The following ARL6 variants were observed in gnomAD, a reference collection of about 807,000 sequenced individuals.
ARL6 encodes the protein ARF like GTPase 6.
Under a neutral mutation model 27.1 loss-of-function variants are expected in ARL6, and 18 were observed. That is an observed-to-expected ratio of 0.66 (90% CI 0.46 to 0.98). ARL6 has a LOEUF of 0.98. ARL6 is among the 50% of genes least tolerant of loss of function. The probability of loss-of-function intolerance (pLI) is 0.00; values close to 1 mark genes in which losing one functional copy is unlikely to be tolerated. For synonymous variants in ARL6, 65 were observed against 72.3 expected (o/e 0.90, Z 0.51); for missense variants, 187 against 214.9 (o/e 0.87, Z 0.81).
rs973917662 is a variant in ARL6 at position 97,800,966 on chromosome 3, A to G, written c.*2917A>G. ...CCCAAAGACCCCACCTCCTAATATC[A>G]TCACATGTCATCACATAGGGGGTTA... On this transcript the variant is annotated 3_prime_UTR_variant, in exon 8 of 8. Coordinates refer to ENST00000463745, the MANE Select transcript of ARL6 (RefSeq NM_001278293.3). The G allele has an allele frequency of 1.3e-5, 2 of 152,208 alleles. No homozygotes were observed. The highest frequency in any genetic ancestry group is 4.8e-5 in the African/African-American group (2 of 41,450). 9.4% of individuals were successfully genotyped at this position (152,208 alleles called of 1,614,324 possible).
At chr3:97,778,106 A>AT (rs2036998087) in intron 2 of ARL6, among the ~76,000 whole-genome samples, 1 of 152,060 alleles carries the variant, frequency 6.6e-6, no homozygotes, top group South Asian at 2.1e-4. Flanking sequence ...GTAGCTGATG[A>AT]TTTTTTCACA....
chr3:97,774,642 A>G (rs1229268751), intron 2 of ARL6, among the ~76,000 whole-genome samples: 1 of 152,136 alleles, frequency 6.6e-6, no homozygotes, highest in Non-Finnish European at 1.5e-5. Flanking sequence ...GCAGAGTCCC[A>G]TTCTTTTCCA....
chr3:97,776,665 T>A (rs552336271), intron 2 of ARL6, among the ~76,000 whole-genome samples: 30 of 151,914 alleles, frequency 2.0e-4, no homozygotes, highest in Non-Finnish European at 2.5e-4. Flanking sequence ...TTTATTTATT[T>A]TTTTTTTTTG....
At chr3:97,790,090 T>TGTGC (rs1230059165) in intron 6 of ARL6, among the ~76,000 whole-genome samples, 5 of 150,046 alleles carry the variant, frequency 3.3e-5, no homozygotes, top group South Asian at 2.1e-4. Context: ...TGTGTGTGTG[T>TGTGC]GCATGTTGTG....
Position 97,768,288 on chromosome 3 carries a change from C to A in ARL6, c.123+58C>A, listed in dbSNP as rs566399707. 3.2e-6 allele frequency: 5 copies of A among 1,566,770 alleles called. No homozygotes were observed. The African/African-American group carries it at 5.4e-5, about 17-fold the overall frequency. On this transcript the variant is annotated intron_variant, in intron 2 of 7. Transcript: ENST00000463745. Reference sequence around the variant, plus strand: ...TCTGCTACTAAAGAAAATTAATGTGCAGAATTATGTTATATGACGTTAAAA... The same window carrying A: ...TCTGCTACTAAAGAAAATTAATGTGAAGAATTATGTTATATGACGTTAAAA...
At position 97,768,114 on chromosome 3, in the gene ARL6, T is replaced by C. The variant is rs773705917; in HGVS notation, c.7T>C (p.Leu3=). 4.3e-6 allele frequency: 7 copies of C among 1,613,022 alleles called. 1 individual carries two copies. The South Asian group carries it at 7.7e-5, about 18-fold the overall frequency. The change falls in exon 2 of 8, where the codon TTG becomes CTG. Residue 3 remains leucine, a synonymous_variant. Coordinates refer to ENST00000463745, the MANE Select transcript of ARL6 (RefSeq NM_001278293.3). Reference sequence around the variant, plus strand: ...TAAATATTTGAATCACATTATGGGATTGCTAGACAGACTTTCAGTCTTGCT... The same window carrying C: ...TAAATATTTGAATCACATTATGGGACTGCTAGACAGACTTTCAGTCTTGCT... The part of the protein sequence containing the change: MG[L]LDRLSVLLGL...
chr3:97,765,256 G>A (rs2107964845), intron 1 of ARL6, among the ~76,000 whole-genome samples: 1 of 148,954 alleles, frequency 6.7e-6, no homozygotes, highest in South Asian at 2.1e-4. Context: ...GTGTGTAAGT[G>A]TAATTTAAAT....
intron 2 of ARL6, among the ~76,000 whole-genome samples, chr3:97,771,303 T>G (rs928075675): frequency 1.3e-5 from 2 of 152,108 alleles, no homozygotes; most frequent in South Asian, 4.1e-4. Context: ...CTTGATTTCA[T>G]TTTCAGATTG....
rs566491345 is a variant in ARL6, at chr3:97,778,364, G to A, written c.124-1795G>A. Among the ~76,000 whole-genome samples the A allele has an allele frequency of 2.6e-5, 4 of 152,220 alleles. No homozygotes were observed. In the South Asian group the frequency reaches 8.3e-4, roughly 32 times the overall value. On this transcript the variant is annotated intron_variant, in intron 2 of 7. Transcript: ENST00000463745. The stretch of plus-strand genomic sequence containing the variant: ...AAGCTAAGTAAACAAACTTCAGAAA[G>A]GCAAAACAAGGGCAGCTCTGGAGGG...
chr3:97,776,775 G>A (rs1287412291), intron 2 of ARL6, among the ~76,000 whole-genome samples: 2 of 151,982 alleles, frequency 1.3e-5, no homozygotes, highest in Non-Finnish European at 2.9e-5. Flanking sequence ...TGCTACCTCA[G>A]TCTCCTGAGT....
intron 7 of ARL6, chr3:97,793,548 G>A (rs2037845656): frequency 6.6e-6 from 1 of 152,146 alleles, no homozygotes; most frequent in African/African-American, 2.4e-5. Flanking sequence ...TAGTCTTCTG[G>A]ATTTTAAAGT....
chr3:97,766,786 G>A (rs1383487598), intron 1 of ARL6: 1 of 152,180 alleles, frequency 6.6e-6, no homozygotes, highest in African/African-American at 2.4e-5. Context: ...ATGAGAATAA[G>A]TCAATTTAAT....
At chr3:97,794,873 G>A (rs2037925383) in intron 7 of ARL6, among the ~76,000 whole-genome samples, 1 of 152,070 alleles carries the variant, frequency 6.6e-6, no homozygotes, top group South Asian at 2.1e-4. Context: ...ATCACTTGAG[G>A]ACAGGAGTTC....
intron 4 of ARL6, among the ~76,000 whole-genome samples, 176 bp from the exon 5 acceptor site, chr3:97,784,779 T>G (rs2037367506): frequency 6.6e-6 from 1 of 151,970 alleles, no homozygotes; most frequent in African/African-American, 2.4e-5. Context: ...ATATGACTAA[T>G]GATTAATATA....
chr3:97,768,067 T>A lies in ARL6; in HGVS notation c.-27-14T>A. ...GGTGCCTTTGGGTAATATTTTATTT[T>A]TTCTTAATTGCAGCTGGTTTGTAAA... On this transcript the variant is annotated splice_polypyrimidine_tract_variant and intron_variant, in intron 1 of 7. Coordinates refer to ENST00000463745, the MANE Select transcript of ARL6 (RefSeq NM_001278293.3). The A allele has an allele frequency of 6.2e-7, 1 of 1,610,460 alleles. No homozygotes were observed. Among genetic ancestry groups the A allele is most frequent in the Non-Finnish European group, 8.5e-7 (1 of 1,177,420 alleles).
intron 5 of ARL6, among the ~76,000 whole-genome samples, chr3:97,785,366 A>G (rs908758449): frequency 2.0e-5 from 3 of 150,780 alleles, no homozygotes; most frequent in African/African-American, 2.4e-5. Context: ...ATGGAAAAAT[A>G]AAATAAAGAT....
rs144177653 is a variant in ARL6, at chr3:97,794,433, C to T, written c.535+2607C>T. 1.9e-3 allele frequency among the ~76,000 whole-genome samples: 293 copies of T among 151,942 alleles called. 4 individuals carry two copies. The highest frequency in any genetic ancestry group is 6.5e-3 in the African/African-American group (268 of 41,440). ...TTCACCATGTTGGGAAGGCTGGTCT[C>T]GAACACCTGACCTCAGGTGATCCAC... On this transcript the variant is annotated intron_variant, in intron 7 of 7. Coordinates refer to ENST00000463745, the MANE Select transcript of ARL6 (RefSeq NM_001278293.3).
intron 2 of ARL6, among the ~76,000 whole-genome samples, chr3:97,772,097 A>T (rs369224786): frequency 5.1e-4 from 77 of 152,124 alleles, no homozygotes; most frequent in African/African-American, 1.8e-3. Flanking sequence ...GTTTGAGTTG[A>T]ATTAGTATTT....
chr3:97,776,716 G>T (rs1042370529), intron 2 of ARL6, among the ~76,000 whole-genome samples: 10 of 151,990 alleles, frequency 6.6e-5, no homozygotes, highest in African/African-American at 2.2e-4. Flanking sequence ...GAGTGCAGTG[G>T]CACAATCTTG....
Sources: gnomAD v4.1 joint callset for allele counts (sites outside exome capture counted in the v4.1 genomes callset) on GRCh38, gnomAD v4.1.1 for gene constraint, MANE v1.5 for transcripts, NCBI Gene and HGNC (gene_info 2026-07-23, HGNC 2026-07-21) for gene names.